The following YY1 variants were observed in gnomAD, a reference collection of about 807,000 sequenced individuals.
The protein encoded by YY1 is YY1 transcription factor, also known as transcriptional repressor protein YY1.
Under a neutral mutation model 35.6 loss-of-function variants are expected in YY1, and 2 were observed. That is an observed-to-expected ratio of 0.06 (90% CI 0.02 to 0.18). The LOEUF (loss-of-function observed/expected upper bound fraction) is 0.18. Ranked by LOEUF, YY1 falls within the 10% of genes least tolerant of loss-of-function variation. YY1 has a pLI of 1.00. For missense variants in YY1, 322 were observed against 573.4 expected, an observed-to-expected ratio of 0.56 and a Z score of 4.48; for synonymous variants, 268 against 238.9, an observed-to-expected ratio of 1.12 and a Z score of -1.12.
chr14:100,240,588 G>T (rs1890721871), intron 1 of YY1, among the ~76,000 whole-genome samples: 1 of 152,126 alleles, frequency 6.6e-6, no homozygotes, highest in African/African-American at 2.4e-5. Context: ...CCCTGCCCCG[G>T]CGGTCACGCT....
Position 100,276,734 on chromosome 14 carries a change from GC to G in YY1, c.1062+88del. On this transcript the variant is annotated intron_variant, in intron 4 of 4. Coordinates refer to ENST00000262238, the MANE Select transcript of YY1 (RefSeq NM_003403.5). The surrounding 1 kb of genome is among the most constrained non-coding windows in gnomAD (Gnocchi z 4.1). ...GTGGTGTGGTGATGAGGCAGGAGGC[GC>G]CAGCCCAGAGACTCAGGGTCTTATT... is the stretch of plus-strand genomic sequence containing the variant. 6.3e-7 allele frequency: 1 copy of G among 1,596,260 alleles called. No homozygotes were observed. The highest frequency in any genetic ancestry group is 2.2e-5 in the East Asian group (1 of 44,772).
chr14:100,243,771 T>C (rs752785783), intron 1 of YY1, among the ~76,000 whole-genome samples: 1 of 149,366 alleles, frequency 6.7e-6, no homozygotes, highest in Non-Finnish European at 1.5e-5. Flanking sequence ...ATTACACCAC[T>C]GTACTCCAGC....
intron 1 of YY1, among the ~76,000 whole-genome samples, chr14:100,242,905 C>A (rs772929847): frequency 6.6e-6 from 1 of 152,180 alleles, no homozygotes; most frequent in Admixed American, 6.6e-5. Flanking sequence ...TCCACCACCA[C>A]CCCTGGCTAT....
intron 2 of YY1, among the ~76,000 whole-genome samples, chr14:100,266,651 A>G (rs1215561585): frequency 6.6e-6 from 1 of 152,178 alleles, no homozygotes; most frequent in Non-Finnish European, 1.5e-5. Context: ...TAGCCATCCA[A>G]AACACCAGGG....
At chr14:100,266,781 G>A (rs1043852326) in intron 2 of YY1, among the ~76,000 whole-genome samples, 2 of 152,160 alleles carry the variant, frequency 1.3e-5, no homozygotes, top group Non-Finnish European at 2.9e-5. Flanking sequence ...GCTTTGAGAG[G>A]AGAAATTACT....
intron 2 of YY1, among the ~76,000 whole-genome samples, chr14:100,272,043 C>T (rs1566780469): frequency 6.6e-6 from 1 of 151,906 alleles, no homozygotes; most frequent in Non-Finnish European, 1.5e-5. Flanking sequence ...GGGGAGGACA[C>T]TGAATTGAAA....
rs573210257 is a variant in YY1, at chr14:100,282,374, G to A, written c.*4774G>A. 2.6e-5 allele frequency: 4 copies of A among 152,214 alleles called. No homozygotes were observed. The East Asian group carries it at 7.7e-4, about 29-fold the overall frequency. The allele number at this position is 152,214 out of a possible 1,614,324, so 9.4% of individuals were successfully genotyped here. A position where few individuals can be genotyped will look rare whatever the true frequency, so the allele number is the denominator to read the frequency against. ...CTCTGTTCTGTCTGCTGCTCTCTCT[G>A]GGGGCCGCACAATGTCCGCACACAT... On this transcript the variant is annotated 3_prime_UTR_variant, in exon 5 of 5. Coordinates refer to ENST00000262238, the MANE Select transcript of YY1 (RefSeq NM_003403.5).
rs367822565 is a variant in YY1, at chr14:100,274,854, T to G, written c.903+96T>G. On this transcript the variant is annotated intron_variant, in intron 3 of 4. Transcript: ENST00000262238. ...ACTTTTGTTTCTGCTTGTGATAATT[T>G]AAATGAAGCAAGGAATTAGAATCTT... is the stretch of plus-strand genomic sequence containing the variant. 87 of 1,192,780 alleles carry G rather than the reference T, an allele frequency of 7.3e-5. No individual in the cohort carries two copies. In the African/African-American group the frequency reaches 9.2e-4, roughly 13 times the overall value. 73.9% of individuals were successfully genotyped at this position (1,192,780 alleles called of 1,614,324 possible).
chr14:100,244,195 T>A lies in YY1; in HGVS notation c.679+4272T>A, dbSNP rs139008090. On this transcript the variant is annotated intron_variant, in intron 1 of 4. Coordinates refer to ENST00000262238, the MANE Select transcript of YY1 (RefSeq NM_003403.5). ...GCGCACATGCCATGTTCCTTTAATTTCCCACAGTAAGAGCACTCTGGTGGG... is the reference window on the plus strand; with the variant it reads ...GCGCACATGCCATGTTCCTTTAATTACCCACAGTAAGAGCACTCTGGTGGG... Among the ~76,000 whole-genome samples, 13 of 152,200 alleles carry A rather than the reference T, an allele frequency of 8.5e-5. No homozygotes were observed. The East Asian group carries it at 2.5e-3, about 29-fold the overall frequency.
intron 2 of YY1, among the ~76,000 whole-genome samples, chr14:100,269,447 G>A (rs1891202334): frequency 6.6e-6 from 1 of 152,046 alleles, no homozygotes; most frequent in Non-Finnish European, 1.5e-5. Flanking sequence ...TTGTCTCCAG[G>A]TTCAAAAGGA....
chr14:100,254,824 G>A (rs1890979122), intron 1 of YY1, among the ~76,000 whole-genome samples: 1 of 149,182 alleles, frequency 6.7e-6, no homozygotes, highest in African/African-American at 2.5e-5. Flanking sequence ...CCGGGCTAGA[G>A]TGCAGTGGTG....
intron 1 of YY1, among the ~76,000 whole-genome samples, chr14:100,253,992 T>C (rs1330071544): frequency 6.6e-6 from 1 of 151,846 alleles, no homozygotes; most frequent in Non-Finnish European, 1.5e-5. Flanking sequence ...ACCACACCTA[T>C]AATCTTTTTT....
intron 2 of YY1, among the ~76,000 whole-genome samples, chr14:100,272,553 T>C (rs1374492492): frequency 1.3e-5 from 2 of 152,060 alleles, no homozygotes; most frequent in South Asian, 2.1e-4. Flanking sequence ...GATCACAGAA[T>C]TAATTTTTTT....
At chr14:100,248,751 G>A (rs1272951771) in intron 1 of YY1, among the ~76,000 whole-genome samples, 1 of 147,276 alleles carries the variant, frequency 6.8e-6, no homozygotes, top group Non-Finnish European at 1.5e-5. Flanking sequence ...GCACTGGCGC[G>A]ATCTCGGCTC....
At chr14:100,252,180 G>T (rs1434745937) in intron 1 of YY1, among the ~76,000 whole-genome samples, 1 of 152,162 alleles carries the variant, frequency 6.6e-6, no homozygotes, top group Non-Finnish European at 1.5e-5. Flanking sequence ...GACTTGTAGA[G>T]TGCTTCTAGC....
intron 2 of YY1, among the ~76,000 whole-genome samples, chr14:100,262,693 T>G (rs759138541): frequency 1.3e-5 from 2 of 152,314 alleles, no homozygotes; most frequent in Non-Finnish European, 2.9e-5. Flanking sequence ...CTCGACTCAC[T>G]GCAGCCTCTG....
intron 2 of YY1, among the ~76,000 whole-genome samples, chr14:100,271,409 A>C (rs1891236915): frequency 6.6e-6 from 1 of 152,176 alleles, no homozygotes; most frequent in African/African-American, 2.4e-5. Flanking sequence ...CTCAGGCCAG[A>C]ACTCCAGGAT....
At chr14:100,242,083 T>A (rs1390731666) in intron 1 of YY1, among the ~76,000 whole-genome samples, 1 of 152,010 alleles carries the variant, frequency 6.6e-6, no homozygotes, top group Non-Finnish European at 1.5e-5. Context: ...AATAAGATAT[T>A]TAGGTAAAGA....
intron 1 of YY1, among the ~76,000 whole-genome samples, chr14:100,255,601 A>G (rs557254916): frequency 3.0e-4 from 46 of 152,238 alleles, no homozygotes; most frequent in South Asian, 8.3e-4. Context: ...CCTGGGGGGG[A>G]CAGAGCGAGA....
Sources: gnomAD v4.1 joint callset for allele counts (sites outside exome capture counted in the v4.1 genomes callset) on GRCh38, gnomAD v4.1.1 for gene constraint, Gnocchi (gnomAD v3.1) non-coding constraint, MANE v1.5 for transcripts, NCBI Gene and HGNC (gene_info 2026-07-23, HGNC 2026-07-21) for gene names.